TRIOBP: variants seen among roughly 807,000 people sequenced by gnomAD.
TRIOBP encodes the protein TRIO and F-actin binding protein, also known as TRIO and F-actin-binding protein.
In TRIOBP, 169 loss-of-function variants were observed where a neutral mutation model predicts 238.8. The observed-to-expected ratio is 0.71, with a 90% CI of 0.62 to 0.80. TRIOBP has a LOEUF of 0.80. TRIOBP is among the 30% of genes least tolerant of loss of function. TRIOBP has a pLI of 0.00. For synonymous variants in TRIOBP, 1,150 were observed against 1,274.4 expected, an observed-to-expected ratio of 0.90 and a Z score of 2.08; for missense variants, 2,838 against 3,122.6, an observed-to-expected ratio of 0.91 and a Z score of 2.17.
intron 3 of TRIOBP, among the ~76,000 whole-genome samples, chr22:37,703,716 G>T (rs1265781545): frequency 6.6e-6 from 1 of 151,470 alleles, no homozygotes; most frequent in African/African-American, 2.4e-5. Context: ...ATGTTAGCCA[G>T]GATGGCCTCG....
chr22:37,733,301 G>A lies in TRIOBP; in HGVS notation c.3951G>A (p.Lys1317=). Residue 1317 remains lysine, a synonymous_variant, in exon 8 of 24, where the codon AAG becomes AAA. Transcript: ENST00000644935. ...VERLFGQERR[K]SEAAGAFQAQ... is the part of the protein sequence containing the mutation. ...GAGTGGCTGCATTTGCTCATAGGAA[G>A]TCCGAGGCAGCGGGGGCCTTCCAGG... 6.4e-7 allele frequency: 1 copy of A among 1,550,558 alleles called. No individual in the cohort carries two copies. The highest frequency in any genetic ancestry group is 8.7e-7 in the Non-Finnish European group (1 of 1,146,824).
At chr22:37,710,878 G>T (rs2145819538) in intron 4 of TRIOBP, among the ~76,000 whole-genome samples, 1 of 152,328 alleles carries the variant, frequency 6.6e-6, no homozygotes, top group South Asian at 2.1e-4. Context: ...CCCAGGGTGT[G>T]TGGCTGCTGT....
intron 9 of TRIOBP, among the ~76,000 whole-genome samples, chr22:37,735,953 G>A (rs952391403): frequency 6.6e-6 from 1 of 152,172 alleles, no homozygotes; most frequent in African/African-American, 2.4e-5. Flanking sequence ...TCCCCTGGTG[G>A]TACTCAGGTA....
rs1257349705 is a variant in TRIOBP, at chr22:37,725,453, G to A, written c.2897G>A (p.Gly966Asp). ...AQHDPPQSSFGPTQYNLPSRA... is the reference protein window; with the variant it reads ...AQHDPPQSSFDPTQYNLPSRA... ...CATGACCCACCCCAGTCCTCCTTTG[G>A]CCCCACCCAGTACAACTTGCCATCC... The change falls in exon 7 of 24, where the codon GGC (glycine) becomes GAC (aspartate). Residue 966 changes from glycine (G) to aspartate (D), a missense_variant. Coordinates refer to ENST00000644935, the MANE Select transcript of TRIOBP (RefSeq NM_001039141.3). The A allele has an allele frequency of 2.5e-6, 4 of 1,612,078 alleles. No homozygotes were observed. In the South Asian group the frequency reaches 3.3e-5, roughly 13 times the overall value.
intron 5 of TRIOBP, among the ~76,000 whole-genome samples, chr22:37,715,066 G>A (rs1349792015): frequency 6.6e-6 from 1 of 152,108 alleles, no homozygotes; most frequent in Non-Finnish European, 1.5e-5. Flanking sequence ...CTGGGCTGGA[G>A]TGCAGTGCCA....
chr22:37,726,224 C>A lies in TRIOBP; in HGVS notation c.3668C>A (p.Ala1223Glu). Residue 1223 changes from alanine to glutamate, a missense_variant, in exon 7 of 24, where the codon GCA (alanine) becomes GAA (glutamate). Physicochemically the swap from Ala to Glu is moderately radical, Grantham distance 107. This residue lies in a region of TRIOBP where 2,096 missense variants were observed against 2,137.4 expected (regional missense o/e 0.98). Transcript: ENST00000644935. ...IPQVCIGHRD[A>E]PRASSPPRHP... ...CAAGTGTGCATCGGGCACCGGGATG[C>A]ACCCCGAGCCTCCTCCCCACCCCGC... 6.2e-7 allele frequency: 1 copy of A among 1,603,522 alleles called. No homozygotes were observed. The highest frequency in any genetic ancestry group is 8.5e-7 in the Non-Finnish European group (1 of 1,175,338).
chr22:37,768,165 G>C lies in TRIOBP; in HGVS notation c.6564G>C (p.Arg2188=). 1 of 1,612,256 alleles carries C rather than the reference G, an allele frequency of 6.2e-7. No homozygotes were observed. Among genetic ancestry groups the C allele is most frequent in the South Asian group, 1.1e-5 (1 of 90,648 alleles). The change falls in exon 19 of 24, where the codon CGG becomes CGC. Residue 2188 remains arginine (R), a synonymous_variant. Coordinates refer to ENST00000644935, the MANE Select transcript of TRIOBP (RefSeq NM_001039141.3). ...RSLQQGPDGL[R]KQHQSDVEAL... is the part of the protein sequence containing the mutation. ...TCCAGCAGGGCCCGGATGGCCTCCG[G>C]AAGCAGCACCAGTAAGATGATGCCG...
In TRIOBP at chr22:37,726,071, C is replaced by T. The variant is rs1924138469; in HGVS notation, c.3515C>T (p.Pro1172Leu). 1.3e-6 allele frequency: 2 copies of T among 1,593,412 alleles called. No individual in the cohort carries two copies. Among genetic ancestry groups the T allele is most frequent in the Admixed American group, 1.7e-5 (1 of 57,230 alleles). The stretch of plus-strand genomic sequence containing the variant: ...GTGTGCATTGGGCACCGGGATGCAC[C>T]CTCCTTCTCATCCCCACCACGCCAG... ...TPVCIGHRDA[P>L]SFSSPPRQAP... The change falls in exon 7 of 24, where the codon CCC becomes CTC. Residue 1172 changes from proline to leucine, a missense_variant. Physicochemically the swap from Pro to Leu is moderately conservative, Grantham distance 98. This residue lies in a region of TRIOBP where 2,096 missense variants were observed against 2,137.4 expected (regional missense o/e 0.98). Coordinates refer to ENST00000644935, the MANE Select transcript of TRIOBP (RefSeq NM_001039141.3).
chr22:37,728,048 C>A (rs1295512024), intron 7 of TRIOBP, among the ~76,000 whole-genome samples: 1 of 152,202 alleles, frequency 6.6e-6, no homozygotes, highest in Non-Finnish European at 1.5e-5. Flanking sequence ...AGAACATTTT[C>A]ATCACCCTAA....
rs573384804 is a variant in TRIOBP, at chr22:37,737,536, C to T, written c.5107-1106C>T. On this transcript the variant is annotated intron_variant, in intron 9 of 23. Coordinates refer to ENST00000644935, the MANE Select transcript of TRIOBP (RefSeq NM_001039141.3). ...ATTAGCCGGGCGTGGTGGCGGGTGC[C>T]TGTAGTCCCAGCTACTTGGGAGGCT... is the stretch of plus-strand genomic sequence containing the variant. Among the ~76,000 whole-genome samples, 26 of 151,952 alleles carry T rather than the reference C, an allele frequency of 1.7e-4. No individual in the cohort carries two copies. In the South Asian group the frequency reaches 5.4e-3, roughly 32 times the overall value.
Position 37,735,074 on chromosome 22 carries a change from C to T in TRIOBP, c.4738C>T (p.Leu1580=), listed in dbSNP as rs1217782762. Residue 1580 remains leucine, a synonymous_variant, in exon 9 of 24, where the codon CTG becomes TTG. Coordinates refer to ENST00000644935, the MANE Select transcript of TRIOBP (RefSeq NM_001039141.3). ...GEGVWARVPS[L]DWEGLLELLQ... ...GGGGGTCTGGGCCCGTGTCCCCAGCCTGGACTGGGAGGGCCTCTTGGAGCT... is the reference window on the plus strand; with the variant it reads ...GGGGGTCTGGGCCCGTGTCCCCAGCTTGGACTGGGAGGGCCTCTTGGAGCT... 1.9e-6 allele frequency: 3 copies of T among 1,606,832 alleles called. No individual in the cohort carries two copies. The South Asian group carries it at 3.3e-5, about 18-fold the overall frequency.
At position 37,757,574 on chromosome 22, in the gene TRIOBP, G is replaced by A. The variant is rs1206496764; in HGVS notation, c.5688-39G>A. The A allele has an allele frequency of 2.6e-6, 4 of 1,551,660 alleles. No individual in the cohort carries two copies. In the East Asian group the frequency reaches 9.6e-5, roughly 37 times the overall value. On this transcript the variant is annotated intron_variant, in intron 15 of 23. Transcript: ENST00000644935. ...AAAGTGCTCATTGTGGGACTGCAGG[G>A]GTGAGGACCCACCTGACGTGGCTCT...
intron 22 of TRIOBP, 96 bp downstream of exon 22, chr22:37,771,832 C>A: frequency 9.3e-7 from 1 of 1,079,054 alleles, no homozygotes; most frequent in Non-Finnish European, 1.4e-6. Flanking sequence ...CCTCCACTCG[C>A]TTCATCCTTC....
intron 21 of TRIOBP, 29 bp downstream of exon 21, chr22:37,769,404 C>T (rs1228423165): frequency 6.4e-7 from 1 of 1,560,804 alleles, no homozygotes; most frequent in Non-Finnish European, 8.7e-7. Flanking sequence ...ACCAGGCAGC[C>T]CAGTGGTTCT....
intron 6 of TRIOBP, among the ~76,000 whole-genome samples, chr22:37,721,974 A>G (rs1444204372): frequency 6.6e-6 from 1 of 152,200 alleles, no homozygotes; most frequent in Admixed American, 6.5e-5. Flanking sequence ...TACTGAGGAC[A>G]GTTACATTAA....
intron 17 of TRIOBP, chr22:37,760,213 T>G (rs1449471965): frequency 6.6e-6 from 1 of 152,404 alleles, no homozygotes; most frequent in Non-Finnish European, 1.5e-5. Flanking sequence ...TGCAATTTTT[T>G]GTTCTATTTA....
intron 6 of TRIOBP, among the ~76,000 whole-genome samples, chr22:37,719,988 T>C (rs1923736706): frequency 6.5e-5 from 2 of 30,884 alleles, no homozygotes; most frequent in African/African-American, 2.4e-4. Flanking sequence ...GTTTCACTCA[T>C]CCCCCCCCGC....
chr22:37,708,747 C>T lies in TRIOBP; in HGVS notation c.115-1680C>T, dbSNP rs186886779. Among the ~76,000 whole-genome samples the T allele has an allele frequency of 1.9e-3, 287 of 152,290 alleles. 1 individual carries two copies. The highest frequency in any genetic ancestry group is 2.7e-3 in the Admixed American group (42 of 15,296). The stretch of plus-strand genomic sequence containing the variant: ...ACAATGCTCCGAAAGGGGAAGTCAT[C>T]GGCCTGAGGTCACCAGCCGGGAACC... On this transcript the variant is annotated intron_variant, in intron 3 of 23. Coordinates refer to ENST00000644935, the MANE Select transcript of TRIOBP (RefSeq NM_001039141.3).
At chr22:37,749,987 C>T (rs1925497502) in intron 11 of TRIOBP, among the ~76,000 whole-genome samples, 1 of 152,106 alleles carries the variant, frequency 6.6e-6, no homozygotes, top group Admixed American at 6.5e-5. Flanking sequence ...GACCTTCTAT[C>T]CCCAAGGTCA....
Sources: allele counts gnomAD v4.1 joint callset (sites outside exome capture counted in the v4.1 genomes callset), GRCh38; gene constraint gnomAD v4.1.1; regional missense constraint gnomAD v4.1.1; transcripts MANE v1.5; gene names NCBI Gene and HGNC (gene_info 2026-07-23, HGNC 2026-07-21).